The following CCDC144A variants were observed in gnomAD, a reference collection of about 807,000 sequenced individuals.
CCDC144A encodes the protein coiled-coil domain-containing protein 144A.
CCDC144A carries 41 observed loss-of-function variants against 143.8 expected under a neutral mutation model. The ratio of observed to expected loss-of-function variants is 0.29; its 90% CI spans 0.22 to 0.37. The LOEUF is 0.37. Among genes scored for constraint, CCDC144A ranks in the 10% least tolerant of loss-of-function variants. The pLI is 1.00. For synonymous variants in CCDC144A, 242 were observed against 517.9 expected (o/e 0.47, Z 7.23); for missense variants, 637 against 1,488.8 (o/e 0.43, Z 9.41).
In CCDC144A at chr17:16,691,736, G is replaced by T. The variant is rs1329074302; in HGVS notation, c.344+992G>T. 2.6e-5 allele frequency: 4 copies of T among 152,260 alleles called. No homozygotes were observed. The East Asian group carries it at 7.7e-4, about 29-fold the overall frequency. 9.4% of individuals were successfully genotyped at this position (152,260 alleles called of 1,614,324 possible). A position where few individuals can be genotyped will look rare whatever the true frequency, so the allele number is the denominator to read the frequency against. ...GCCGAGATCGCGCCACTGCACTCCA[G>T]CCTGGGTGACAGAGCGAGACTCAGT... is the stretch of plus-strand genomic sequence containing the variant. On this transcript the variant is annotated intron_variant, in intron 1 of 16. Coordinates refer to ENST00000399273, the MANE Select transcript of CCDC144A (RefSeq NM_001382000.1).
At chr17:16,719,359 A>G (rs1021746930) in intron 6 of CCDC144A, among the ~76,000 whole-genome samples, 3 of 152,154 alleles carry the variant, frequency 2.0e-5, no homozygotes, top group African/African-American at 7.2e-5. Flanking sequence ...AGGTTTCTAA[A>G]CTTGCCTCTG....
chr17:16,757,010 G>T (rs1277998978), intron 12 of CCDC144A, among the ~76,000 whole-genome samples: 1 of 152,272 alleles, frequency 6.6e-6, no homozygotes, highest in Non-Finnish European at 1.5e-5. Context: ...GCACATTGAT[G>T]GCATACACAA....
intron 5 of CCDC144A, among the ~76,000 whole-genome samples, chr17:16,711,159 C>T (rs200946464): frequency 1.3e-5 from 1 of 79,408 alleles, no homozygotes; most frequent in Non-Finnish European, 2.3e-5. Context: ...AAAAAAAAAA[C>T]AAAAGTTAGT....
chr17:16,719,175 G>T (rs1420491298), intron 6 of CCDC144A, among the ~76,000 whole-genome samples: 4 of 151,606 alleles, frequency 2.6e-5, no homozygotes, highest in Non-Finnish European at 5.9e-5. Flanking sequence ...ACCTACAATG[G>T]ATTATAAAGT....
At chr17:16,674,992 G>A in the CCDC144A span, among the ~76,000 whole-genome samples, 1 of 150,906 alleles carries the variant, frequency 6.6e-6, no homozygotes, top group Non-Finnish European at 1.5e-5. Context: ...TTTTAGGCCG[G>A]GCGTGGTGGC....
the CCDC144A span, among the ~76,000 whole-genome samples, chr17:16,681,708 A>C: frequency 6.6e-6 from 1 of 151,850 alleles, no homozygotes; most frequent in Non-Finnish European, 1.5e-5. Context: ...AAAATACAAA[A>C]AATTAGCCGG....
intron 12 of CCDC144A, among the ~76,000 whole-genome samples, chr17:16,742,208 A>G (rs1214529270): frequency 6.6e-6 from 1 of 151,318 alleles, no homozygotes; most frequent in Non-Finnish European, 1.5e-5. Context: ...CCCATCTTCT[A>G]CTCCCCTTTA....
chr17:16,707,272 C>T, intron 3 of CCDC144A, 197 bp from the exon 4 acceptor site: 1 of 478,266 alleles, frequency 2.1e-6, no homozygotes. Context: ...CTAGTGTCTC[C>T]CAGAAAGTGG....
At chr17:16,741,880 A>G (rs1450068498) in intron 12 of CCDC144A, among the ~76,000 whole-genome samples, 2 of 151,908 alleles carry the variant, frequency 1.3e-5, no homozygotes. Flanking sequence ...AACATTTACC[A>G]TTTCTTTGTG....
upstream of CCDC144A, among the ~76,000 whole-genome samples, chr17:16,685,547 A>AT (rs1280729857): frequency 2.7e-5 from 4 of 148,834 alleles, no homozygotes; most frequent in African/African-American, 9.9e-5. Context: ...CGCCTGGCTA[A>AT]TTTTTTTGTA....
At chr17:16,761,245 A>G (rs1214605885) in intron 12 of CCDC144A, among the ~76,000 whole-genome samples, 180 bp from the exon 13 acceptor site, 1 of 152,074 alleles carries the variant, frequency 6.6e-6, no homozygotes, top group Non-Finnish European at 1.5e-5. Flanking sequence ...TACGCAGGAG[A>G]ATGGCCTGAA....
At chr17:16,732,488 A>G (rs748555826) in intron 10 of CCDC144A, 50 bp from the exon 11 acceptor site, 2 of 1,480,266 alleles carry the variant, frequency 1.4e-6, no homozygotes, top group African/African-American at 1.4e-5. Context: ...TTAACCTTTT[A>G]GATTTTCTTT....
chr17:16,700,741 G>C (rs1352936299), intron 2 of CCDC144A, among the ~76,000 whole-genome samples: 2 of 152,116 alleles, frequency 1.3e-5, no homozygotes, highest in African/African-American at 4.8e-5. Flanking sequence ...GCTGCTTACA[G>C]TTTTGACATT....
chr17:16,729,972 A>G (rs952112210), intron 9 of CCDC144A, among the ~76,000 whole-genome samples: 8 of 133,006 alleles, frequency 6.0e-5, no homozygotes, highest in Non-Finnish European at 1.3e-4. Context: ...TCATATATAT[A>G]TATATATATA....
chr17:16,746,456 G>A (rs1411859799), intron 12 of CCDC144A: 35 of 1,612,104 alleles, frequency 2.2e-5, no homozygotes, highest in Non-Finnish European at 5.1e-6. Flanking sequence ...TCTTGTCTTC[G>A]CCTCCATCTC....
chr17:16,673,056 A>T, the CCDC144A span, among the ~76,000 whole-genome samples: 1 of 152,290 alleles, frequency 6.6e-6, no homozygotes, highest in Non-Finnish European at 1.5e-5. Flanking sequence ...TTATAGAATG[A>T]TAACACAATT....
chr17:16,732,634 C>A lies in CCDC144A; in HGVS notation c.2386C>A (p.Leu796Ile). Residue 796 changes from leucine to isoleucine, a missense_variant, in exon 11 of 17, where the codon CTA becomes ATA. By Grantham distance (5) the Leu-to-Ile change is conservative (BLOSUM62 2). Transcript: ENST00000399273. ...DQILTSKQKELEMARKKMNSE... is the reference protein window; with the variant it reads ...DQILTSKQKEIEMARKKMNSE... ...GATTCTGACGAGTAAACAAAAGGAA[C>A]TAGAAATGGCTCGAAAGAAAATGAA... The A allele has an allele frequency of 1.2e-6, 2 of 1,610,796 alleles. No homozygotes were observed. The highest frequency in any genetic ancestry group is 1.7e-6 in the Non-Finnish European group (2 of 1,178,780).
the CCDC144A span, among the ~76,000 whole-genome samples, chr17:16,667,374 C>T: frequency 0.17 from 24,998 of 149,110 alleles, 2,637 homozygotes; most frequent in East Asian, 0.34. Context: ...GGCTGAGGGG[C>T]TGAGGCTGGT....
At chr17:16,734,637 A>G (rs1913908913) in intron 11 of CCDC144A, 53 bp from the exon 12 acceptor site, 1 of 1,438,470 alleles carries the variant, frequency 7.0e-7, no homozygotes, top group African/African-American at 1.4e-5. Flanking sequence ...TTCAGAGAAA[A>G]TCATAATCTG....
Sources: gnomAD v4.1 joint callset for allele counts (sites outside exome capture counted in the v4.1 genomes callset) on GRCh38, gnomAD v4.1.1 for gene constraint, MANE v1.5 for transcripts, NCBI Gene and HGNC (gene_info 2026-07-23, HGNC 2026-07-21) for gene names.